Variants in FAM222B observed in about 807,000 individuals in gnomAD.
FAM222B encodes family with sequence similarity 222 member B.
A neutral mutation model predicts 38.0 loss-of-function variants in FAM222B; 12 were observed. That is an observed-to-expected ratio of 0.32 (90% CI 0.20 to 0.51). FAM222B has a LOEUF of 0.51. Ranked by LOEUF, FAM222B falls within the 20% of genes least tolerant of loss-of-function variation. The pLI is 0.97. For synonymous variants in FAM222B, 329 were observed against 317.2 expected (o/e 1.04, Z -0.40); for missense variants, 716 against 754.2 (o/e 0.95, Z 0.59).
intron 1 of FAM222B, among the ~76,000 whole-genome samples, chr17:28,852,085 T>C (rs1216637995): frequency 6.6e-6 from 1 of 151,150 alleles, no homozygotes; most frequent in Non-Finnish European, 1.5e-5. Flanking sequence ...AAAAGCAACG[T>C]GGCCTGGCGC....
chr17:28,777,089 C>G (rs1255183654), intron 1 of FAM222B: 1 of 152,142 alleles, frequency 6.6e-6, no homozygotes, highest in Non-Finnish European at 1.5e-5. Context: ...TTTTTCTTCT[C>G]CATCTTTAAC....
In FAM222B at chr17:28,759,304, G is replaced by T. The variant is rs953720616; in HGVS notation, c.655C>A (p.Leu219Ile). 1.2e-6 allele frequency: 2 copies of T among 1,612,088 alleles called. No individual in the cohort carries two copies. Among genetic ancestry groups the T allele is most frequent in the African/African-American group, 2.7e-5 (2 of 74,914 alleles). The change falls in exon 3 of 3, where the codon CTC becomes ATC. Residue 219 changes from leucine to isoleucine, a missense_variant. Leu to Ile is a conservative substitution (Grantham distance 5). Transcript: ENST00000581407. This position sits in a 1 kb window ranked among gnomAD's most constrained non-coding sequence, Gnocchi z 4.8. ...VHPQALAHQG[L>I]QHPHNPLLHG... ...AGCAAGGGATTGTGGGGGTGCTGGA[G>T]ACCCTGGTGAGCCAGGGCCTGAGGG...
chr17:28,804,955 G>T (rs945524108), intron 1 of FAM222B, among the ~76,000 whole-genome samples: 4 of 151,762 alleles, frequency 2.6e-5, no homozygotes, highest in African/African-American at 9.7e-5. Flanking sequence ...CTGAGGCGGG[G>T]GAATGGCGTG....
intron 1 of FAM222B, among the ~76,000 whole-genome samples, chr17:28,821,604 G>C (rs1339265754): frequency 6.6e-6 from 1 of 152,122 alleles, no homozygotes; most frequent in African/African-American, 2.4e-5. Context: ...TCGCTCACCA[G>C]TTACCTGTAT....
intron 1 of FAM222B, among the ~76,000 whole-genome samples, chr17:28,810,556 C>G (rs911844289): frequency 5.9e-5 from 9 of 151,996 alleles, no homozygotes; most frequent in Admixed American, 3.3e-4. Context: ...ACTGTAAAGG[C>G]TTCAATCAGT....
chr17:28,769,214 C>G (rs2035495407), intron 1 of FAM222B, among the ~76,000 whole-genome samples: 1 of 113,972 alleles, frequency 8.8e-6, no homozygotes, highest in Admixed American at 1.3e-4. Context: ...GAGTCTTGCT[C>G]TGTTCCCCAG....
At chr17:28,842,924 TG>T (rs1325650509), upstream of FAM222B, 1 of 152,500 alleles carries the variant, frequency 6.6e-6, no homozygotes, top group East Asian at 1.9e-4. Context: ...CTAGTGGACA[TG>T]GGAGCTGGCC....
intron 1 of FAM222B, among the ~76,000 whole-genome samples, chr17:28,852,147 C>A (rs1038331575): frequency 4.6e-5 from 7 of 151,568 alleles, no homozygotes; most frequent in African/African-American, 1.7e-4. Context: ...GCGGGTGGAT[C>A]ACGAGGTCAG....
At chr17:28,774,763 G>A (rs1310665487) in intron 1 of FAM222B, among the ~76,000 whole-genome samples, 1 of 151,748 alleles carries the variant, frequency 6.6e-6, no homozygotes, top group East Asian at 2.0e-4. Context: ...CAACCATGGT[G>A]AAACCCCGTC....
At chr17:28,843,375 G>T (rs1224804326), upstream of FAM222B, among the ~76,000 whole-genome samples, 1 of 149,508 alleles carries the variant, frequency 6.7e-6, no homozygotes, top group Admixed American at 6.7e-5. Flanking sequence ...GACCTCAGGT[G>T]ATCCACCCAC....
intron 1 of FAM222B, among the ~76,000 whole-genome samples, chr17:28,772,063 GTAA>G (rs1185568683): frequency 1.3e-5 from 2 of 151,720 alleles, no homozygotes; most frequent in Admixed American, 6.6e-5. Context: ...TCTCAAAATA[GTAA>G]TAATAATAAT....
intron 1 of FAM222B, among the ~76,000 whole-genome samples, chr17:28,835,024 TTGTG>T (rs61229770): frequency 0.15 from 20,053 of 131,798 alleles, 1,675 homozygotes; most frequent in African/African-American, 0.24. Context: ...TCAGCTAATT[TTGTG>T]TGTGTGTGTG....
Position 28,758,410 on chromosome 17 carries a change from G to T in FAM222B, c.1549C>A (p.Leu517Ile). The T allele has an allele frequency of 6.2e-7, 1 of 1,613,918 alleles. No individual in the cohort carries two copies. The highest frequency in any genetic ancestry group is 8.5e-7 in the Non-Finnish European group (1 of 1,179,864). Residue 517 changes from leucine (L) to isoleucine (I), a missense_variant, in exon 3 of 3, where the codon CTA becomes ATA. Transcript: ENST00000581407. The part of the protein sequence containing the change: ...QNSLMQTVDY[L>I]SGDFQQACFR... ...CAGGCCTGTTGGAAATCCCCACTTAGGTAATCCACTGTTTGCATCAAGCTG... is the reference window on the plus strand; with the variant it reads ...CAGGCCTGTTGGAAATCCCCACTTATGTAATCCACTGTTTGCATCAAGCTG...
At chr17:28,807,511 G>C (rs2037549454) in intron 1 of FAM222B, among the ~76,000 whole-genome samples, 1 of 152,002 alleles carries the variant, frequency 6.6e-6, no homozygotes, top group Admixed American at 6.6e-5. Flanking sequence ...TCAGCCTCCT[G>C]AGTAGCTGGA....
chr17:28,841,177 C>T (rs1359959123), intron 1 of FAM222B, among the ~76,000 whole-genome samples: 1 of 151,718 alleles, frequency 6.6e-6, no homozygotes, highest in Non-Finnish European at 1.5e-5. Flanking sequence ...CATTTGTAAT[C>T]CCAGCTACTC....
intron 1 of FAM222B, among the ~76,000 whole-genome samples, chr17:28,769,540 G>A (rs908894567): frequency 7.2e-5 from 11 of 152,148 alleles, no homozygotes; most frequent in East Asian, 3.8e-4. Context: ...CTCGTGTTCC[G>A]CCCGCCTTGG....
At chr17:28,840,293 G>A (rs781186865) in intron 1 of FAM222B, among the ~76,000 whole-genome samples, 54 of 152,098 alleles carry the variant, frequency 3.6e-4, no homozygotes, top group Non-Finnish European at 6.9e-4. Flanking sequence ...TTGAACCCGG[G>A]AGGTGGAGGT....
intron 1 of FAM222B, among the ~76,000 whole-genome samples, chr17:28,821,510 G>C (rs1028779917): frequency 2.6e-5 from 4 of 152,176 alleles, no homozygotes; most frequent in Non-Finnish European, 4.4e-5. Flanking sequence ...TGACAGCTGA[G>C]AAAACTGATG....
chr17:28,799,338 C>T (rs2037106670), intron 1 of FAM222B, among the ~76,000 whole-genome samples: 1 of 138,994 alleles, frequency 7.2e-6, no homozygotes, highest in Non-Finnish European at 1.5e-5. Context: ...CGGTCTGTCG[C>T]CCAAGCTGGA....
Sources: gnomAD v4.1 joint callset for allele counts (sites outside exome capture counted in the v4.1 genomes callset) on GRCh38, gnomAD v4.1.1 for gene constraint, Gnocchi (gnomAD v3.1) non-coding constraint, MANE v1.5 for transcripts, NCBI Gene and HGNC (gene_info 2026-07-23, HGNC 2026-07-21) for gene names.